CCDC85A: variants seen among roughly 807,000 people sequenced by gnomAD.
CCDC85A encodes coiled-coil domain containing 85A.
In CCDC85A, 38 loss-of-function variants were observed where a neutral mutation model predicts 50.2. The ratio of observed to expected loss-of-function variants is 0.76; its 90% CI spans 0.58 to 0.99. The LOEUF (loss-of-function observed/expected upper bound fraction) is 0.99. CCDC85A is among the 50% of genes least tolerant of loss of function. CCDC85A has a pLI of 0.00. For missense variants in CCDC85A, 820 were observed against 742.0 expected (o/e 1.11, Z -1.22); for synonymous variants, 366 against 301.4 (o/e 1.21, Z -2.22).
intron 2 of CCDC85A, among the ~76,000 whole-genome samples, chr2:56,299,043 G>T (rs1573205143): frequency 6.6e-6 from 1 of 152,108 alleles, no homozygotes; most frequent in African/African-American, 2.4e-5. Flanking sequence ...CAGGGTTTAG[G>T]CATACAACAG....
intron 2 of CCDC85A, among the ~76,000 whole-genome samples, chr2:56,298,136 G>T (rs1400418386): frequency 6.6e-6 from 1 of 152,182 alleles, no homozygotes; most frequent in Non-Finnish European, 1.5e-5. Flanking sequence ...TGTATGCACT[G>T]GCTGAATGGC....
At chr2:56,317,841 G>A (rs1408711125) in intron 2 of CCDC85A, among the ~76,000 whole-genome samples, 1 of 152,048 alleles carries the variant, frequency 6.6e-6, no homozygotes, top group East Asian at 1.9e-4. Context: ...CCATTCTCAA[G>A]TAGGAGCCTT....
At chr2:56,304,935 C>T (rs199875593) in intron 2 of CCDC85A, among the ~76,000 whole-genome samples, 3 of 127,692 alleles carry the variant, frequency 2.3e-5, no homozygotes, top group African/African-American at 1.0e-4. Flanking sequence ...AACAAACAAA[C>T]AAAAAAACAA....
chr2:56,257,953 A>G (rs948302360), intron 2 of CCDC85A, among the ~76,000 whole-genome samples: 2 of 152,190 alleles, frequency 1.3e-5, no homozygotes, highest in African/African-American at 4.8e-5. Flanking sequence ...ACAGAAATAA[A>G]AAATCATCAG....
chr2:56,220,910 C>G (rs1238864559), intron 2 of CCDC85A, among the ~76,000 whole-genome samples: 3 of 152,022 alleles, frequency 2.0e-5, no homozygotes, highest in Non-Finnish European at 2.9e-5. Flanking sequence ...TGTAGGGTCT[C>G]TTGATTGGCT....
At chr2:56,212,495 G>A (rs754716743) in intron 2 of CCDC85A, among the ~76,000 whole-genome samples, 4 of 151,994 alleles carry the variant, frequency 2.6e-5, no homozygotes, top group African/African-American at 4.8e-5. Flanking sequence ...CAGGGAGAAT[G>A]CATCACTTCC....
At chr2:56,209,570 C>G (rs574186141) in intron 2 of CCDC85A, among the ~76,000 whole-genome samples, 9 of 151,878 alleles carry the variant, frequency 5.9e-5, no homozygotes, top group Non-Finnish European at 7.4e-5. Flanking sequence ...CTATAATGAG[C>G]TAGTTGTATG....
At chr2:56,266,524 A>C (rs1670447707) in intron 2 of CCDC85A, among the ~76,000 whole-genome samples, 1 of 152,036 alleles carries the variant, frequency 6.6e-6, no homozygotes, top group Non-Finnish European at 1.5e-5. Flanking sequence ...TAGATGTATC[A>C]AAACATCACA....
At chr2:56,266,090 T>C (rs543261913) in intron 2 of CCDC85A, among the ~76,000 whole-genome samples, 172 of 152,228 alleles carry the variant, frequency 1.1e-3, no homozygotes, top group African/African-American at 4.1e-3. Flanking sequence ...AAAAAGTAGA[T>C]ATCATAGACA....
At chr2:56,366,243 A>G (rs1352316629) in intron 3 of CCDC85A, among the ~76,000 whole-genome samples, 2 of 152,124 alleles carry the variant, frequency 1.3e-5, no homozygotes, top group African/African-American at 4.8e-5. Flanking sequence ...TCTTTGACAT[A>G]CTGATTTTGT....
chr2:56,184,623 C>T lies in CCDC85A; in HGVS notation c.-2C>T, dbSNP rs1280533195. 2.1e-6 allele frequency: 3 copies of T among 1,422,164 alleles called. No homozygotes were observed. The highest frequency in any genetic ancestry group is 3.2e-5 in the Admixed American group (1 of 31,078). The allele number at this position is 1,422,164 out of a possible 1,614,324, so 88.1% of individuals were successfully genotyped here. Reference sequence around the variant, plus strand: ...ACTTGCACCTGCCACCCCGCGGATACCATGTCGAAGGCGGCCGGAGGCGCG... The same window carrying T: ...ACTTGCACCTGCCACCCCGCGGATATCATGTCGAAGGCGGCCGGAGGCGCG... On this transcript the variant is annotated 5_prime_UTR_variant, in exon 1 of 6. Coordinates refer to ENST00000407595, the MANE Select transcript of CCDC85A (RefSeq NM_001080433.2).
Position 56,305,050 on chromosome 2 carries a change from C to G in CCDC85A, c.1241-37829C>G, listed in dbSNP as rs559393850. On this transcript the variant is annotated intron_variant, in intron 2 of 5. Transcript: ENST00000407595. ...CCCAGGAGGCAGAGGTTGCAGTGAG[C>G]CTAGATTGTACCACTGCACTCCAGC... is the stretch of plus-strand genomic sequence containing the variant. Among the ~76,000 whole-genome samples, 144 of 151,386 alleles carry G rather than the reference C, an allele frequency of 9.5e-4. 1 individual carries two copies. The highest frequency in any genetic ancestry group is 3.4e-3 in the African/African-American group (140 of 41,150).
intron 2 of CCDC85A, among the ~76,000 whole-genome samples, chr2:56,217,739 AGCTT>A (rs973107120): frequency 2.4e-4 from 36 of 151,814 alleles, no homozygotes; most frequent in Admixed American, 2.3e-3. Flanking sequence ...TCCTTCTAAA[AGCTT>A]GATGTAGTGT....
intron 2 of CCDC85A, among the ~76,000 whole-genome samples, chr2:56,216,734 TA>T: frequency 7.1e-6 from 1 of 141,564 alleles, no homozygotes; most frequent in East Asian, 1.9e-4. Context: ...ACATTATTTT[TA>T]TCTTTTTTTT....
At chr2:56,310,377 G>T (rs1270244513) in intron 2 of CCDC85A, among the ~76,000 whole-genome samples, 2 of 152,104 alleles carry the variant, frequency 1.3e-5, no homozygotes, top group African/African-American at 4.8e-5. Flanking sequence ...TAGTTTTCTG[G>T]TACTCAGTCC....
At chr2:56,298,772 A>G (rs1246700631) in intron 2 of CCDC85A, among the ~76,000 whole-genome samples, 1 of 152,182 alleles carries the variant, frequency 6.6e-6, no homozygotes, top group Non-Finnish European at 1.5e-5. Flanking sequence ...TGGGCTGTTA[A>G]CTAAATAGAA....
chr2:56,325,239 A>G (rs1254435899), intron 2 of CCDC85A, among the ~76,000 whole-genome samples: 1 of 152,110 alleles, frequency 6.6e-6, no homozygotes, highest in Non-Finnish European at 1.5e-5. Flanking sequence ...TGGTCATTAT[A>G]TGTATAATTA....
intron 2 of CCDC85A, among the ~76,000 whole-genome samples, chr2:56,226,590 A>G (rs1461538526): frequency 1.3e-5 from 2 of 152,034 alleles, no homozygotes; most frequent in East Asian, 1.9e-4. Context: ...GTATTTTCCC[A>G]ATTCCTGCGT....
At chr2:56,273,485 T>G (rs185003436) in intron 2 of CCDC85A, among the ~76,000 whole-genome samples, 1 of 152,182 alleles carries the variant, frequency 6.6e-6, no homozygotes, top group African/African-American at 2.4e-5. Context: ...GGACAATGCC[T>G]TTAAAACTGA....
Sources: gnomAD v4.1 joint callset for allele counts (sites outside exome capture counted in the v4.1 genomes callset) on GRCh38, gnomAD v4.1.1 for gene constraint, MANE v1.5 for transcripts, NCBI Gene and HGNC (gene_info 2026-07-23, HGNC 2026-07-21) for gene names.